Variants in NVL observed in about 807,000 individuals in gnomAD.
NVL encodes nuclear valosin-containing protein-like.
In NVL, 84 loss-of-function variants were observed where a neutral mutation model predicts 110.2. The ratio of observed to expected loss-of-function variants is 0.76; its 90% CI spans 0.64 to 0.91. NVL has a LOEUF of 0.91. NVL is among the 40% of genes least tolerant of loss of function. The probability of loss-of-function intolerance (pLI) is 0.00; values close to 1 mark genes in which losing one functional copy is unlikely to be tolerated. For synonymous variants in NVL, 354 were observed against 361.1 expected (o/e 0.98, Z 0.22); for missense variants, 882 against 1,035.9 (o/e 0.85, Z 2.04).
chr1:224,306,455 A>T (rs1197951064), intron 6 of NVL, among the ~76,000 whole-genome samples: 1 of 152,048 alleles, frequency 6.6e-6, no homozygotes, highest in Non-Finnish European at 1.5e-5. Flanking sequence ...TTTAGTAGAG[A>T]CAGGGTTTCA....
chr1:224,307,910 G>T, intron 6 of NVL, 81 bp downstream of exon 6: 1 of 1,340,566 alleles, frequency 7.5e-7, no homozygotes, highest in Non-Finnish European at 1.0e-6. Context: ...CAAAACACAA[G>T]TATCTGATTG....
chr1:224,274,780 C>T (rs931160733), intron 17 of NVL, among the ~76,000 whole-genome samples: 13 of 152,162 alleles, frequency 8.5e-5, no homozygotes, highest in African/African-American at 2.4e-4. Context: ...TCTGGTACTC[C>T]GTACTGAAAT....
chr1:224,255,204 TC>T lies in NVL; in HGVS notation c.2183-4887del, dbSNP rs869122717. Among the ~76,000 whole-genome samples the T allele has an allele frequency of 4.5e-3, 607 of 135,428 alleles. 20 individuals are homozygous for T. The highest frequency in any genetic ancestry group is 0.016 in the African/African-American group (543 of 33,030). 88.8% of individuals were successfully genotyped at this position (135,428 alleles called of 152,430 possible). A position where few individuals can be genotyped will look rare whatever the true frequency, so the allele number is the denominator to read the frequency against. The stretch of plus-strand genomic sequence containing the variant: ...TAGGTTTTTTTTTTTTTTTTTTTTT[TC>T]CTGAGACAGGGTCTCGCTCTGCCGT... On this transcript the variant is annotated intron_variant, in intron 18 of 22. Transcript: ENST00000281701.
At chr1:224,279,404 C>G (rs1051784907) in intron 16 of NVL, among the ~76,000 whole-genome samples, 1 of 152,138 alleles carries the variant, frequency 6.6e-6, no homozygotes, top group Non-Finnish European at 1.5e-5. Context: ...AAAACCTCTA[C>G]TTCCAGAGAC....
intron 5 of NVL, among the ~76,000 whole-genome samples, chr1:224,309,157 A>C (rs910160063): frequency 6.6e-6 from 1 of 151,912 alleles, no homozygotes; most frequent in Admixed American, 6.6e-5. Context: ...GGTTGCTTCG[A>C]AAAAAAATAC....
At chr1:224,321,576 A>T (rs1055150024) in intron 2 of NVL, among the ~76,000 whole-genome samples, 1 of 152,066 alleles carries the variant, frequency 6.6e-6, no homozygotes, top group Admixed American at 6.5e-5. Context: ...AATTATTTTT[A>T]GTAATAATTT....
intron 19 of NVL, among the ~76,000 whole-genome samples, chr1:224,249,776 C>A (rs1332472542): frequency 6.6e-6 from 1 of 152,098 alleles, no homozygotes. Flanking sequence ...CTCTGTTGCC[C>A]AGGCTGGAGT....
intron 19 of NVL, among the ~76,000 whole-genome samples, chr1:224,236,874 G>A (rs1010513025): frequency 6.6e-6 from 1 of 152,204 alleles, no homozygotes; most frequent in Non-Finnish European, 1.5e-5. Context: ...TCATGCCACT[G>A]CACTCCAGCC....
intron 20 of NVL, among the ~76,000 whole-genome samples, chr1:224,236,182 G>T (rs1456253024): frequency 6.6e-6 from 1 of 152,186 alleles, no homozygotes; most frequent in Non-Finnish European, 1.5e-5. Flanking sequence ...CCTGAGGGCT[G>T]CAAAATGTGG....
At chr1:224,255,203 TTC>T (rs1346316407) in intron 18 of NVL, among the ~76,000 whole-genome samples, 12 of 145,248 alleles carry the variant, frequency 8.3e-5, no homozygotes, top group African/African-American at 2.8e-4. Context: ...TTTTTTTTTT[TTC>T]CTGAGACAGG....
In NVL at chr1:224,317,800, C is replaced by G; in HGVS notation, c.185-7G>C. The G allele has an allele frequency of 6.3e-7, 1 of 1,580,814 alleles. No homozygotes were observed. The highest frequency in any genetic ancestry group is 1.7e-5 in the Admixed American group (1 of 58,682). On this transcript the variant is annotated splice_region_variant and splice_polypyrimidine_tract_variant and intron_variant, in intron 3 of 22. Coordinates refer to ENST00000281701, the MANE Select transcript of NVL (RefSeq NM_002533.4). Reference sequence around the variant, plus strand: ...CTACTAATTATGCTAAATACTGAAACAAAAAGAAAAACGCTATGAGCTAAA... The same window carrying G: ...CTACTAATTATGCTAAATACTGAAAGAAAAAGAAAAACGCTATGAGCTAAA...
intron 12 of NVL, among the ~76,000 whole-genome samples, chr1:224,291,747 T>C (rs1213612290): frequency 2.0e-5 from 3 of 152,184 alleles, no homozygotes; most frequent in Non-Finnish European, 4.4e-5. Flanking sequence ...CTTTGTAAAG[T>C]TGAAAAACTA....
chr1:224,329,060 A>C (rs1291171277), intron 1 of NVL, among the ~76,000 whole-genome samples: 1 of 151,534 alleles, frequency 6.6e-6, no homozygotes, highest in Non-Finnish European at 1.5e-5. Context: ...AATAATAATA[A>C]ATTAGCCAGG....
chr1:224,243,106 T>TA (rs1296162634), intron 19 of NVL, among the ~76,000 whole-genome samples: 1 of 152,000 alleles, frequency 6.6e-6, no homozygotes, highest in African/African-American at 2.4e-5. Flanking sequence ...TTTATTTATT[T>TA]TTTATTTTAA....
rs1035439561 is a variant in NVL, at chr1:224,274,370, C to T, written c.2082+969G>A. Among the ~76,000 whole-genome samples the T allele has an allele frequency of 4.6e-5, 7 of 151,952 alleles. No individual in the cohort carries two copies. In the East Asian group the frequency reaches 1.2e-3, roughly 25 times the overall value. On this transcript the variant is annotated intron_variant, in intron 17 of 22. Coordinates refer to ENST00000281701, the MANE Select transcript of NVL (RefSeq NM_002533.4). ...GTACTTGTGGCCAGGCATGGTGGCT[C>T]ACCCATGTAATCCCAGCACTTTTTG... is the stretch of plus-strand genomic sequence containing the variant.
At chr1:224,285,892 G>A (rs1666810435) in intron 15 of NVL, 134 bp downstream of exon 15, 2 of 597,184 alleles carry the variant, frequency 3.3e-6, no homozygotes, top group Non-Finnish European at 5.7e-6. Flanking sequence ...GAAGAAAGTT[G>A]TCAGTTTTGC....
intron 2 of NVL, among the ~76,000 whole-genome samples, chr1:224,319,971 G>A (rs1001162103): frequency 4.0e-5 from 6 of 151,758 alleles, no homozygotes; most frequent in African/African-American, 1.5e-4. Context: ...CCAAATTGAG[G>A]GATATTCTAT....
chr1:224,242,176 G>A (rs1007233557), intron 19 of NVL, among the ~76,000 whole-genome samples: 5 of 152,088 alleles, frequency 3.3e-5, no homozygotes, highest in South Asian at 2.1e-4. Context: ...TGTTTAATGG[G>A]GACAGAGTTT....
chr1:224,238,644 G>T (rs1460804375), intron 19 of NVL, among the ~76,000 whole-genome samples: 1 of 152,134 alleles, frequency 6.6e-6, no homozygotes, highest in Non-Finnish European at 1.5e-5. Flanking sequence ...AAACAATCTT[G>T]TGCTTTTTTC....
Sources: gnomAD v4.1 joint callset for allele counts (sites outside exome capture counted in the v4.1 genomes callset) on GRCh38, gnomAD v4.1.1 for gene constraint, MANE v1.5 for transcripts, NCBI Gene and HGNC (gene_info 2026-07-23, HGNC 2026-07-21) for gene names.